Variants in TMEM278 observed in about 807,000 individuals in gnomAD.
The protein encoded by TMEM278 is transmembrane protein 88B.
At chr1:1,430,157 C>T in the TMEM278 span, among the ~76,000 whole-genome samples, 4 of 152,354 alleles carry the variant, frequency 2.6e-5, no homozygotes, top group African/African-American at 9.6e-5. Context: ...CCCACCTGGC[C>T]TTATTTATTT....
chr1:1,426,783 C>G, the TMEM278 span, among the ~76,000 whole-genome samples: 1 of 152,104 alleles, frequency 6.6e-6, no homozygotes, highest in African/African-American at 2.4e-5. Flanking sequence ...GTGGGGCTTC[C>G]CCACCTGCAG....
the TMEM278 span, among the ~76,000 whole-genome samples, chr1:1,429,954 A>G: frequency 0.99 from 150,419 of 152,344 alleles, 74,269 homozygotes; most frequent in Middle Eastern, 1. Context: ...TCGCCCTCCC[A>G]GGCTCAAGTG....
chr1:1,430,078 G>A, the TMEM278 span, among the ~76,000 whole-genome samples: 3 of 152,092 alleles, frequency 2.0e-5, no homozygotes, highest in Admixed American at 1.3e-4. Flanking sequence ...GGCTGGTCTC[G>A]AACTCCTAGG....
At chr1:1,426,084 T>G in the TMEM278 span, 2 of 1,344,068 alleles carry the variant, frequency 1.5e-6, no homozygotes, top group Non-Finnish European at 1.9e-6. Flanking sequence ...AGCACCACTC[T>G]GCATTGAGCA....
the TMEM278 span, among the ~76,000 whole-genome samples, chr1:1,428,282 A>G: frequency 7.9e-5 from 12 of 151,896 alleles, no homozygotes; most frequent in African/African-American, 2.7e-4. Context: ...GCGCCTGCCC[A>G]GGTCCCGGCC....
At chr1:1,427,228 C>T in the TMEM278 span, among the ~76,000 whole-genome samples, 3 of 144,718 alleles carry the variant, frequency 2.1e-5, no homozygotes, top group Non-Finnish European at 4.6e-5. Flanking sequence ...ACCCCGCTCT[C>T]TCTCCCCTCC....
chr1:1,428,010 AG>A, the TMEM278 span, among the ~76,000 whole-genome samples: 5 of 87,910 alleles, frequency 5.7e-5, no homozygotes, highest in East Asian at 3.8e-4. Flanking sequence ...AGGGGAGGGG[AG>A]GGGGAGAGAG....
the TMEM278 span, among the ~76,000 whole-genome samples, chr1:1,429,425 C>G: frequency 2.6e-5 from 4 of 151,204 alleles, no homozygotes; most frequent in African/African-American, 9.7e-5. Context: ...TTTATGGTCT[C>G]TTGATACATG....
chr1:1,428,149 A>AGAGGGTAGGGGAGGG, the TMEM278 span, among the ~76,000 whole-genome samples: 3 of 30,278 alleles, frequency 9.9e-5, no homozygotes, highest in African/African-American at 3.9e-4. Flanking sequence ...GGAGGCAAAG[A>AGAGGGTAGGGGAGGG]GAGGGGAGGT....
chr1:1,427,749 C>T, the TMEM278 span: 3 of 1,307,718 alleles, frequency 2.3e-6, no homozygotes, highest in Non-Finnish European at 2.9e-6. Flanking sequence ...CCCCCCGGGG[C>T]GCCCCGACGA....
At chr1:1,426,863 T>C in the TMEM278 span, among the ~76,000 whole-genome samples, 3 of 151,878 alleles carry the variant, frequency 2.0e-5, no homozygotes. Context: ...CAGCTGGTGA[T>C]GAGAGGGCGC....
chr1:1,427,314 A>AT, the TMEM278 span, among the ~76,000 whole-genome samples: 1 of 28,162 alleles, frequency 3.6e-5, no homozygotes, highest in Non-Finnish European at 6.7e-5. Flanking sequence ...TGACCCACCC[A>AT]CACCCTCTCC....
the TMEM278 span, chr1:1,427,878 G>A: frequency 2.5e-6 from 3 of 1,196,854 alleles, no homozygotes; most frequent in Non-Finnish European, 3.2e-6. Flanking sequence ...GGTCGCCCCC[G>A]CTGCCCCTTC....
At chr1:1,430,148 C>T in the TMEM278 span, among the ~76,000 whole-genome samples, 4 of 152,216 alleles carry the variant, frequency 2.6e-5, no homozygotes, top group African/African-American at 9.6e-5. Context: ...ATGAGCCACC[C>T]CACCTGGCCT....
chr1:1,427,747 G>A, the TMEM278 span: 1 of 1,307,732 alleles, frequency 7.6e-7, no homozygotes, highest in Non-Finnish European at 9.7e-7. Flanking sequence ...CGCCCCCCGG[G>A]GCGCCCCGAC....
chr1:1,426,694 T>C, the TMEM278 span, among the ~76,000 whole-genome samples: 2 of 151,846 alleles, frequency 1.3e-5, no homozygotes. Context: ...AAGATGAAAA[T>C]GTCGTTGAAG....
At chr1:1,426,488 C>T in the TMEM278 span, 29 of 975,104 alleles carry the variant, frequency 3.0e-5, no homozygotes, top group Non-Finnish European at 3.7e-5. Context: ...GCCCCTTGTC[C>T]TCAGAGACAC....
At chr1:1,426,820 C>T in the TMEM278 span, among the ~76,000 whole-genome samples, 6 of 152,074 alleles carry the variant, frequency 3.9e-5, no homozygotes, top group Non-Finnish European at 5.9e-5. Flanking sequence ...CTCTGGGCCC[C>T]GGGCCCCTTT....
chr1:1,430,077 C>T, the TMEM278 span, among the ~76,000 whole-genome samples: 2 of 152,150 alleles, frequency 1.3e-5, no homozygotes, highest in Non-Finnish European at 2.9e-5. Context: ...AGGCTGGTCT[C>T]GAACTCCTAG....
Sources: allele counts gnomAD v4.1 joint callset (sites outside exome capture counted in the v4.1 genomes callset), GRCh38; gene constraint gnomAD v4.1.1; transcripts MANE v1.5; gene names NCBI Gene and HGNC (gene_info 2026-07-23, HGNC 2026-07-21).